Variants in TMEM116 observed in about 807,000 individuals in gnomAD.
The protein encoded by TMEM116 is transmembrane protein 116.
Under a neutral mutation model 44.3 loss-of-function variants are expected in TMEM116, and 38 were observed. That is an observed-to-expected ratio of 0.86 (90% CI 0.66 to 1.12). The LOEUF (loss-of-function observed/expected upper bound fraction) is 1.12, where lower values mean the gene tolerates loss of function less well. Among genes scored for constraint, TMEM116 ranks in the 50% most tolerant of loss-of-function variants. The probability of loss-of-function intolerance (pLI) is 0.00; values close to 1 mark genes in which losing one functional copy is unlikely to be tolerated. For synonymous variants in TMEM116, 132 were observed against 144.8 expected, an observed-to-expected ratio of 0.91 and a Z score of 0.64; for missense variants, 354 against 401.7, an observed-to-expected ratio of 0.88 and a Z score of 1.01.
intron 4 of TMEM116, among the ~76,000 whole-genome samples, chr12:111,971,267 A>C (rs182046248): frequency 6.6e-6 from 1 of 152,314 alleles, no homozygotes; most frequent in Non-Finnish European, 1.5e-5. Context: ...CTTACTACTT[A>C]AATACCATTA....
chr12:111,993,600 T>C (rs1337824612), intron 3 of TMEM116: 1 of 545,110 alleles, frequency 1.8e-6, no homozygotes, highest in Middle Eastern at 3.3e-4. Flanking sequence ...CCAAGATGTA[T>C]AAGGAAGAAG....
chr12:111,942,288 T>G (rs1458785068), intron 5 of TMEM116, among the ~76,000 whole-genome samples: 2 of 151,172 alleles, frequency 1.3e-5, no homozygotes, highest in African/African-American at 4.9e-5. Context: ...TTTGTTTTTT[T>G]GAGACGGAGT....
intron 2 of TMEM116, 77 bp downstream of exon 2, chr12:112,005,180 G>A: frequency 1.0e-6 from 1 of 990,470 alleles, no homozygotes; most frequent in African/African-American, 1.7e-5. Context: ...AAATCCCCAA[G>A]GGGGAAATGT....
rs528017179 is a variant in TMEM116 at position 111,970,336 on chromosome 12, A to G, written c.210+21422T>C. Among the ~76,000 whole-genome samples, 8 of 151,962 alleles carry G rather than the reference A, an allele frequency of 5.3e-5. No individual in the cohort carries two copies. The South Asian group carries it at 1.7e-3, about 32-fold the overall frequency. On this transcript the variant is annotated intron_variant, in intron 4 of 10. Coordinates refer to ENST00000552374, the MANE Select transcript of TMEM116 (RefSeq NM_001193531.2). ...ATCTCCAAAATGGAAAACATGGGGGAAAAAAGCATGCAAAACTGCAAAGAC... is the reference window on the plus strand; with the variant it reads ...ATCTCCAAAATGGAAAACATGGGGGGAAAAAGCATGCAAAACTGCAAAGAC...
intron 4 of TMEM116, among the ~76,000 whole-genome samples, chr12:111,963,465 C>CA (rs2074755461): frequency 6.6e-6 from 1 of 152,162 alleles, no homozygotes; most frequent in Non-Finnish European, 1.5e-5. Context: ...AAATGTGGCT[C>CA]ATATACACTA....
chr12:111,981,261 C>A (rs1450714994), intron 4 of TMEM116, among the ~76,000 whole-genome samples: 1 of 151,984 alleles, frequency 6.6e-6, no homozygotes, highest in African/African-American at 2.4e-5. Flanking sequence ...TTTTTTTGAG[C>A]TCTAGAATCT....
chr12:111,992,685 G>T (rs1593591744), intron 3 of TMEM116, among the ~76,000 whole-genome samples: 1 of 152,310 alleles, frequency 6.6e-6, no homozygotes, highest in East Asian at 1.9e-4. Flanking sequence ...ACTGAAAAAT[G>T]TCAGAATGAA....
intron 4 of TMEM116, among the ~76,000 whole-genome samples, chr12:111,983,503 G>A (rs933153602): frequency 2.6e-5 from 4 of 151,742 alleles, no homozygotes; most frequent in African/African-American, 9.7e-5. Context: ...GGTCTGAGGT[G>A]GGAGGATTGC....
chr12:112,000,898 T>G, intron 3 of TMEM116: 1 of 419,190 alleles, frequency 2.4e-6, no homozygotes, highest in Non-Finnish European at 4.8e-6. Flanking sequence ...CAGCCAATGT[T>G]CTTGAGGAAT....
Position 111,940,519 on chromosome 12 carries a change from A to ATG in TMEM116, c.316-2311_316-2310dup, listed in dbSNP as rs1162947796. 3.9e-3 allele frequency among the ~76,000 whole-genome samples: 436 copies of ATG among 110,596 alleles called. 7 individuals carry two copies. Among genetic ancestry groups the ATG allele is most frequent in the African/African-American group, 0.019 (419 of 22,466 alleles). 72.6% of individuals were successfully genotyped at this position (110,596 alleles called of 152,430 possible). ...CACACATATATATACACACATATAT[A>ATG]TGTGTATATATATATATATATATAT... On this transcript the variant is annotated intron_variant, in intron 5 of 10. Coordinates refer to ENST00000552374, the MANE Select transcript of TMEM116 (RefSeq NM_001193531.2).
intron 4 of TMEM116, among the ~76,000 whole-genome samples, chr12:111,971,274 A>G (rs2075317710): frequency 6.6e-6 from 1 of 152,188 alleles, no homozygotes. Flanking sequence ...CTTAAATACC[A>G]TTAATAATAA....
At chr12:111,990,948 C>G (rs1283029758) in intron 4 of TMEM116, among the ~76,000 whole-genome samples, 1 of 152,026 alleles carries the variant, frequency 6.6e-6, no homozygotes, top group South Asian at 2.1e-4. Context: ...TGGCTGGGCA[C>G]GGTGGCTCAC....
intron 4 of TMEM116, among the ~76,000 whole-genome samples, chr12:111,981,375 C>T (rs2075930334): frequency 6.6e-6 from 1 of 152,144 alleles, no homozygotes; most frequent in Non-Finnish European, 1.5e-5. Context: ...CTTACCACCC[C>T]CAACTCCCTA....
intron 4 of TMEM116, among the ~76,000 whole-genome samples, chr12:111,981,389 C>T (rs1034849273): frequency 3.9e-5 from 6 of 152,156 alleles, no homozygotes; most frequent in East Asian, 1.9e-4. Flanking sequence ...CTCCCTAATT[C>T]GATGACAACT....
chr12:111,982,887 T>A (rs1258060724), intron 4 of TMEM116, among the ~76,000 whole-genome samples: 1 of 152,208 alleles, frequency 6.6e-6, no homozygotes, highest in Non-Finnish European at 1.5e-5. Context: ...TTGTTTGTTT[T>A]TGTATGAGGA....
chr12:111,972,902 C>G (rs1218963086), intron 4 of TMEM116, among the ~76,000 whole-genome samples: 1 of 151,594 alleles, frequency 6.6e-6, no homozygotes, highest in Non-Finnish European at 1.5e-5. Context: ...AAAAAAAACA[C>G]GCCAAGGCAG....
At chr12:112,009,642 A>G (rs1048302722) in intron 1 of TMEM116, among the ~76,000 whole-genome samples, 5 of 151,512 alleles carry the variant, frequency 3.3e-5, no homozygotes, top group African/African-American at 1.2e-4. Flanking sequence ...GTTCAAGATG[A>G]GCCTGGCCAA....
chr12:111,949,358 C>T (rs1276081640), intron 4 of TMEM116, among the ~76,000 whole-genome samples: 1 of 151,964 alleles, frequency 6.6e-6, no homozygotes, highest in Non-Finnish European at 1.5e-5. Context: ...TAATGGAATA[C>T]AATTTAAAAC....
chr12:112,008,643 T>G (rs2077697102), intron 1 of TMEM116, among the ~76,000 whole-genome samples: 1 of 152,232 alleles, frequency 6.6e-6, no homozygotes, highest in Non-Finnish European at 1.5e-5. Flanking sequence ...TAAAATATTT[T>G]TATTTAACCA....
Sources: allele counts gnomAD v4.1 joint callset (sites outside exome capture counted in the v4.1 genomes callset), GRCh38; gene constraint gnomAD v4.1.1; transcripts MANE v1.5; gene names NCBI Gene and HGNC (gene_info 2026-07-23, HGNC 2026-07-21).